The following FBXL17 variants were observed in gnomAD, a reference collection of about 807,000 sequenced individuals.
FBXL17 encodes F-box and leucine rich repeat protein 17.
FBXL17 carries 22 observed loss-of-function variants against 66.2 expected under a neutral mutation model. The ratio of observed to expected loss-of-function variants is 0.33; its 90% confidence interval spans 0.24 to 0.47. The LOEUF is 0.47. Among genes scored for constraint, FBXL17 ranks in the 20% least tolerant of loss-of-function variants. The pLI is 1.00. For missense variants in FBXL17, 878 were observed against 948.2 expected, an observed-to-expected ratio of 0.93 and a Z score of 0.97; for synonymous variants, 474 against 400.5, an observed-to-expected ratio of 1.18 and a Z score of -2.19.
intron 5 of FBXL17, among the ~76,000 whole-genome samples, chr5:108,189,751 A>T (rs1753391088): frequency 6.6e-6 from 1 of 152,204 alleles, no homozygotes; most frequent in Admixed American, 6.5e-5. Context: ...CTTACAAAGG[A>T]TCTAGAGGTC....
At chr5:108,084,356 T>C (rs950705824) in intron 6 of FBXL17, among the ~76,000 whole-genome samples, 2 of 152,248 alleles carry the variant, frequency 1.3e-5, no homozygotes, top group Non-Finnish European at 1.5e-5. Context: ...AAGCAAACTT[T>C]ACTTATCTAC....
intron 6 of FBXL17, 49 bp downstream of exon 6, chr5:108,186,068 C>T: frequency 1.4e-6 from 2 of 1,429,498 alleles, no homozygotes; most frequent in Non-Finnish European, 2.0e-6. Flanking sequence ...TTAATATTTC[C>T]TAAATGTTTT....
intron 6 of FBXL17, among the ~76,000 whole-genome samples, chr5:108,143,428 A>C (rs1043164181): frequency 6.6e-6 from 1 of 152,070 alleles, no homozygotes; most frequent in Non-Finnish European, 1.5e-5. Flanking sequence ...AGTATTTTAT[A>C]AAGAACATGA....
intron 4 of FBXL17, among the ~76,000 whole-genome samples, chr5:108,292,216 G>A (rs1008548230): frequency 3.3e-5 from 5 of 151,498 alleles, no homozygotes; most frequent in African/African-American, 1.2e-4. Context: ...CCACCTCCCA[G>A]GTTCAATCAA....
chr5:107,902,262 C>T (rs997460806), intron 7 of FBXL17, among the ~76,000 whole-genome samples: 1 of 152,132 alleles, frequency 6.6e-6, no homozygotes, highest in Non-Finnish European at 1.5e-5. Context: ...ATCAGATCAT[C>T]ACACTTGTCA....
At chr5:107,886,950 T>C (rs986593949) in intron 7 of FBXL17, among the ~76,000 whole-genome samples, 2 of 147,158 alleles carry the variant, frequency 1.4e-5, no homozygotes, top group African/African-American at 5.0e-5. Flanking sequence ...CTGTTACAAA[T>C]TGGAGGAAAC....
intron 7 of FBXL17, among the ~76,000 whole-genome samples, chr5:107,966,181 G>T (rs1430040091): frequency 1.3e-5 from 2 of 152,098 alleles, no homozygotes; most frequent in Non-Finnish European, 2.9e-5. Context: ...TTCAACTCTT[G>T]CAAGCCATTG....
Position 107,985,485 on chromosome 5 carries a change from T to G in FBXL17, c.1822+35440A>C, listed in dbSNP as rs796396404. Reference sequence around the variant, plus strand: ...TTTTCTGCTGAAAGCTTGTCAGAGTTTGATATCTATTCTCTCTATGCCTAT... The same window carrying G: ...TTTTCTGCTGAAAGCTTGTCAGAGTGTGATATCTATTCTCTCTATGCCTAT... On this transcript the variant is annotated intron_variant, in intron 7 of 8. Transcript: ENST00000542267. Among the ~76,000 whole-genome samples, 50 of 152,360 alleles carry G rather than the reference T, an allele frequency of 3.3e-4. 1 individual carries two copies. The highest frequency in any genetic ancestry group is 1.1e-3 in the African/African-American group (44 of 41,594).
chr5:108,271,378 A>C (rs1276537936), intron 4 of FBXL17, among the ~76,000 whole-genome samples: 1 of 152,196 alleles, frequency 6.6e-6, no homozygotes, highest in Admixed American at 6.5e-5. Flanking sequence ...AAGCTAGAGG[A>C]GGCACCAGAA....
At chr5:108,088,791 A>G (rs1749076427) in intron 6 of FBXL17, among the ~76,000 whole-genome samples, 1 of 148,122 alleles carries the variant, frequency 6.8e-6, no homozygotes, top group South Asian at 2.2e-4. Context: ...CTCTATTAGC[A>G]ATCTCTGGTG....
chr5:108,088,673 C>T (rs1391425231), intron 6 of FBXL17, among the ~76,000 whole-genome samples: 1 of 134,820 alleles, frequency 7.4e-6, no homozygotes, highest in Non-Finnish European at 1.5e-5. Flanking sequence ...TGCACTCCAG[C>T]CTGGCCGACA....
chr5:108,141,910 CAAGTT>C (rs1751365626), intron 6 of FBXL17, among the ~76,000 whole-genome samples: 1 of 152,188 alleles, frequency 6.6e-6, no homozygotes, highest in Non-Finnish European at 1.5e-5. Flanking sequence ...ACTCCCACCC[CAAGTT>C]GAGTTGATTG....
intron 5 of FBXL17, among the ~76,000 whole-genome samples, chr5:108,198,328 G>T (rs1208315241): frequency 6.6e-6 from 1 of 152,060 alleles, no homozygotes; most frequent in Non-Finnish European, 1.5e-5. Flanking sequence ...AGTCTGCAAA[G>T]AAAGCCACAA....
chr5:107,932,570 T>C (rs1043680846), intron 7 of FBXL17, among the ~76,000 whole-genome samples: 2 of 152,164 alleles, frequency 1.3e-5, no homozygotes, highest in Admixed American at 6.5e-5. Flanking sequence ...ATAAAACAAA[T>C]GTCATTTGTT....
intron 7 of FBXL17, among the ~76,000 whole-genome samples, chr5:108,004,035 C>G (rs1753836159): frequency 6.6e-6 from 1 of 152,040 alleles, no homozygotes; most frequent in Admixed American, 6.6e-5. Flanking sequence ...AACAGAAAAG[C>G]TGCGCAACAT....
chr5:108,095,807 G>A (rs778297949), intron 6 of FBXL17, among the ~76,000 whole-genome samples: 4 of 152,076 alleles, frequency 2.6e-5, no homozygotes, highest in Non-Finnish European at 5.9e-5. Context: ...TCGATTGTTT[G>A]AAAAGAACTA....
chr5:108,315,464 A>G (rs781706720), intron 4 of FBXL17, among the ~76,000 whole-genome samples: 4 of 151,488 alleles, frequency 2.6e-5, no homozygotes, highest in Non-Finnish European at 4.4e-5. Flanking sequence ...ATTACATTAT[A>G]TTTCAAAATA....
intron 6 of FBXL17, among the ~76,000 whole-genome samples, chr5:108,138,871 C>G (rs941394993): frequency 1.3e-5 from 2 of 152,084 alleles, no homozygotes; most frequent in Non-Finnish European, 2.9e-5. Context: ...AGTTGCCTAT[C>G]TAAGAGGGAA....
intron 5 of FBXL17, among the ~76,000 whole-genome samples, chr5:108,210,802 A>G (rs1259257880): frequency 6.6e-6 from 1 of 152,162 alleles, no homozygotes; most frequent in Admixed American, 6.5e-5. Flanking sequence ...TTTGGGGTGG[A>G]GAGTTCTGTA....
Sources: allele counts gnomAD v4.1 joint callset (sites outside exome capture counted in the v4.1 genomes callset), GRCh38; gene constraint gnomAD v4.1.1; transcripts MANE v1.5; gene names NCBI Gene and HGNC (gene_info 2026-07-23, HGNC 2026-07-21).